Variants in EVI5L observed in about 807,000 individuals in gnomAD.
EVI5L encodes the protein EVI5-like protein.
A neutral mutation model predicts 106.1 loss-of-function variants in EVI5L; 30 were observed. The observed-to-expected ratio is 0.28, with a 90% CI of 0.21 to 0.38. EVI5L has a LOEUF of 0.38. Among genes scored for constraint, EVI5L ranks in the 10% least tolerant of loss-of-function variants. The pLI is 1.00. For missense variants in EVI5L, 809 were observed against 1,098.0 expected (o/e 0.74, Z 3.72); for synonymous variants, 489 against 483.3 (o/e 1.01, Z -0.15).
rs776882211 is a variant in EVI5L, at chr19:7,835,377, G to A, written c.-48+4996G>A. On this transcript the variant is annotated intron_variant, in intron 1 of 19. Transcript: ENST00000538904. This position sits in a 1 kb window ranked among gnomAD's most constrained non-coding sequence, Gnocchi z 4.1. ...ACAAAAATTAGCGAGGTATAATGGC[G>A]GGCATCTGTAATCCCAGCTACTCAG... 8.0e-5 allele frequency among the ~76,000 whole-genome samples: 12 copies of A among 150,396 alleles called. 1 individual carries two copies. In the South Asian group the frequency reaches 2.1e-3, roughly 27 times the overall value.
intron 1 of EVI5L, among the ~76,000 whole-genome samples, chr19:7,837,444 C>T (rs564968810): frequency 6.6e-6 from 1 of 152,310 alleles, no homozygotes; most frequent in African/African-American, 2.4e-5. Context: ...ACCCAGTCTC[C>T]TCTATAGTTA....
In EVI5L at chr19:7,843,408, TGAGAATAGGCATGGGTGTGTCGAGA is replaced by T. The variant is rs1248665720; in HGVS notation, c.-47-3086_-47-3062del. On this transcript the variant is annotated intron_variant, in intron 1 of 19. Transcript: ENST00000538904. ...GAGTGTGTGCATAGGTGTGTGAGTG[TGAGAATAGGCATGGGTGTGTCGAGA>T]GTGTGTGTGTATGGGTGTGTGAGTG... 6.6e-5 allele frequency among the ~76,000 whole-genome samples: 8 copies of T among 121,826 alleles called. No homozygotes were observed. In the East Asian group the frequency reaches 1.0e-3, roughly 16 times the overall value. 79.9% of individuals were successfully genotyped at this position (121,826 alleles called of 152,430 possible). A position where few individuals can be genotyped will look rare whatever the true frequency, so the allele number is the denominator to read the frequency against.
chr19:7,832,971 T>C (rs952259092), intron 1 of EVI5L, among the ~76,000 whole-genome samples: 5 of 152,132 alleles, frequency 3.3e-5, no homozygotes, highest in African/African-American at 1.2e-4. Flanking sequence ...TCACGTGGTA[T>C]CTCTCACGCA....
At chr19:7,844,402 C>T (rs1231524202) in intron 1 of EVI5L, among the ~76,000 whole-genome samples, 3 of 152,068 alleles carry the variant, frequency 2.0e-5, no homozygotes, top group African/African-American at 7.2e-5. Context: ...GGGGCTGATG[C>T]CCTGAGCTTG....
chr19:7,852,952 G>A lies in EVI5L; in HGVS notation c.988-134G>A. On this transcript the variant is annotated intron_variant, in intron 8 of 19. Coordinates refer to ENST00000538904, the MANE Select transcript of EVI5L (RefSeq NM_001159944.3). ...TTTCCATTGCTCCACAAACACTGAGGACACGGCGTTGAGGACATGGCGACA... is the reference window on the plus strand; with the variant it reads ...TTTCCATTGCTCCACAAACACTGAGAACACGGCGTTGAGGACATGGCGACA... 3 of 767,640 alleles carry A rather than the reference G, an allele frequency of 3.9e-6. No homozygotes were observed. In the Admixed American group the frequency reaches 6.5e-5, roughly 17 times the overall value. The allele number at this position is 767,640 out of a possible 1,614,324, so 47.6% of individuals were successfully genotyped here.
Position 7,858,411 on chromosome 19 carries a change from T to G in EVI5L, c.1374+80T>G, listed in dbSNP as rs990816841. 6.6e-5 allele frequency: 96 copies of G among 1,460,114 alleles called. No homozygotes were observed. Among genetic ancestry groups the G allele is most frequent in the Non-Finnish European group, 8.4e-5 (93 of 1,108,878 alleles). 90.4% of individuals were successfully genotyped at this position (1,460,114 alleles called of 1,614,324 possible). On this transcript the variant is annotated intron_variant, in intron 13 of 19. Transcript: ENST00000538904. The surrounding 1 kb of genome is among the most constrained non-coding windows in gnomAD (Gnocchi z 5.7). Reference sequence around the variant, plus strand: ...CCGCCCAACGGTTTTCTTTCAGGGCTCATAATCTGCCCCGCCTCAGCACCT... The same window carrying G: ...CCGCCCAACGGTTTTCTTTCAGGGCGCATAATCTGCCCCGCCTCAGCACCT...
chr19:7,839,234 C>T (rs545622892), intron 1 of EVI5L, among the ~76,000 whole-genome samples: 10 of 149,970 alleles, frequency 6.7e-5, no homozygotes, highest in Non-Finnish European at 7.4e-5. Context: ...ACCCAGGAGG[C>T]GGAGCTTGCA....
chr19:7,850,545 G>A lies in EVI5L; in HGVS notation c.753+423G>A, dbSNP rs1009116823. 1.1e-4 allele frequency among the ~76,000 whole-genome samples: 16 copies of A among 152,168 alleles called. No homozygotes were observed. The highest frequency in any genetic ancestry group is 2.1e-4 in the South Asian group (1 of 4,836). Reference sequence around the variant, plus strand: ...AGCAGCCCCCGCAGGGCCTGCTCCCGGCTGGCAGGCAGAGCCGCCAAGGCC... The same window carrying A: ...AGCAGCCCCCGCAGGGCCTGCTCCCAGCTGGCAGGCAGAGCCGCCAAGGCC... On this transcript the variant is annotated intron_variant, in intron 6 of 19. Transcript: ENST00000538904. The surrounding 1 kb of genome is among the most constrained non-coding windows in gnomAD (Gnocchi z 5.4).
chr19:7,842,416 AGT>A lies in EVI5L; in HGVS notation c.-47-4074_-47-4073del, dbSNP rs1286278842. On this transcript the variant is annotated intron_variant, in intron 1 of 19. Transcript: ENST00000538904. ...TGAGAATGTGAGTGTGTGTGTATCAAGTGTGTGCATGTGTGTGCATGTCTGTG... is the reference window on the plus strand; with the variant it reads ...TGAGAATGTGAGTGTGTGTGTATCAAGTGTGCATGTGTGTGCATGTCTGTG... Among the ~76,000 whole-genome samples, 282 of 64,496 alleles carry A rather than the reference AGT, an allele frequency of 4.4e-3. 1 individual carries two copies. Among genetic ancestry groups the A allele is most frequent in the Middle Eastern group, 0.019 (2 of 104 alleles). 42.3% of individuals were successfully genotyped at this position (64,496 alleles called of 152,430 possible).
intron 10 of EVI5L, 115 bp from the exon 11 acceptor site, chr19:7,855,900 G>A: frequency 1.1e-6 from 1 of 908,690 alleles, no homozygotes; most frequent in Non-Finnish European, 1.5e-6. Context: ...GCTGTGCCCT[G>A]CCCGGAAAAG....
chr19:7,861,762 C>A (rs1322331470), intron 14 of EVI5L, 116 bp from the exon 15 acceptor site: 67 of 1,380,768 alleles, frequency 4.9e-5, no homozygotes, highest in Non-Finnish European at 6.1e-5. Context: ...CGCCCTCCCC[C>A]ATCTGAGCCG....
chr19:7,857,388 G>C lies in EVI5L; in HGVS notation c.1233+264G>C. On this transcript the variant is annotated intron_variant, in intron 12 of 19. Coordinates refer to ENST00000538904, the MANE Select transcript of EVI5L (RefSeq NM_001159944.3). The surrounding 1 kb of genome is among the most constrained non-coding windows in gnomAD (Gnocchi z 4.5). ...CATGCATGTACAGAAAGCTTCCTCCGGGCGACACAGGGTGGGGACCCAGGA... is the reference window on the plus strand; with the variant it reads ...CATGCATGTACAGAAAGCTTCCTCCCGGCGACACAGGGTGGGGACCCAGGA... 3.4e-6 allele frequency: 2 copies of C among 594,434 alleles called. No individual in the cohort carries two copies. 36.8% of individuals were successfully genotyped at this position (594,434 alleles called of 1,614,324 possible). A position where few individuals can be genotyped will look rare whatever the true frequency, so the allele number is the denominator to read the frequency against.
chr19:7,842,637 A>G (rs494677), intron 1 of EVI5L, among the ~76,000 whole-genome samples: 111,421 of 151,410 alleles, frequency 0.74, 41,309 homozygotes, highest in South Asian at 0.84. Context: ...GTGTGAAAAT[A>G]TGTGAATGTG....
intron 1 of EVI5L, among the ~76,000 whole-genome samples, chr19:7,843,865 T>G (rs1324788040): frequency 1.3e-5 from 2 of 152,016 alleles, no homozygotes; most frequent in African/African-American, 4.8e-5. Context: ...TGGTTTCCAC[T>G]GAGAGAGTCT....
intron 1 of EVI5L, among the ~76,000 whole-genome samples, chr19:7,844,609 T>C (rs965030695): frequency 6.6e-6 from 1 of 152,246 alleles, no homozygotes; most frequent in East Asian, 1.9e-4. Context: ...ACTTTGACTC[T>C]GTGGGAGGCC....
chr19:7,847,732 G>C lies in EVI5L; in HGVS notation c.138G>C (p.Arg46=). ...ELLAKLEEQN[R]LLEADSKSMR... ...CCCTCTGTCGGCCCTTCCTGCCCAG[G>C]CTCCTGGAGGCCGACTCCAAGTCCA... Residue 46 remains arginine (R), a splice_region_variant and synonymous_variant, in exon 3 of 20, where the codon CGG becomes CGC. Coordinates refer to ENST00000538904, the MANE Select transcript of EVI5L (RefSeq NM_001159944.3). The C allele has an allele frequency of 1.9e-6, 3 of 1,610,640 alleles. No homozygotes were observed. The highest frequency in any genetic ancestry group is 1.1e-5 in the South Asian group (1 of 90,678).
chr19:7,859,811 G>A (rs1159961402), intron 13 of EVI5L, among the ~76,000 whole-genome samples: 1 of 152,258 alleles, frequency 6.6e-6, no homozygotes, highest in Admixed American at 6.5e-5. Context: ...AGATGAGGTG[G>A]CCCAGAGGAG....
intron 2 of EVI5L, 60 bp from the exon 3 acceptor site, chr19:7,847,672 G>T (rs1010989603): frequency 2.6e-6 from 4 of 1,567,232 alleles, no homozygotes; most frequent in Non-Finnish European, 3.4e-6. Context: ...GGCTGGGCTC[G>T]CCAAGGATCC....
Position 7,835,678 on chromosome 19 carries a change from C to A in EVI5L, c.-48+5297C>A, listed in dbSNP as rs187766706. Reference sequence around the variant, plus strand: ...TGTGGAGGAGCAGCTAGACTGGGCGCAAGAAGAGATCAGGCAGGGACCTCT... The same window carrying A: ...TGTGGAGGAGCAGCTAGACTGGGCGAAAGAAGAGATCAGGCAGGGACCTCT... On this transcript the variant is annotated intron_variant, in intron 1 of 19. Transcript: ENST00000538904. The surrounding 1 kb of genome is among the most constrained non-coding windows in gnomAD (Gnocchi z 4.1). 6.2e-4 allele frequency among the ~76,000 whole-genome samples: 95 copies of A among 152,214 alleles called. 1 individual carries two copies. Among genetic ancestry groups the A allele is most frequent in the Middle Eastern group, 6.8e-3 (2 of 294 alleles).
Sources: allele counts gnomAD v4.1 joint callset (sites outside exome capture counted in the v4.1 genomes callset), GRCh38; gene constraint gnomAD v4.1.1; non-coding constraint Gnocchi (gnomAD v3.1); transcripts MANE v1.5; gene names NCBI Gene and HGNC (gene_info 2026-07-23, HGNC 2026-07-21).